The following MIPOL1 variants were observed in gnomAD, a reference collection of about 807,000 sequenced individuals.
The protein encoded by MIPOL1 is mirror-image polydactyly 1.
A neutral mutation model predicts 60.9 loss-of-function variants in MIPOL1; 57 were observed. The ratio of observed to expected loss-of-function variants is 0.94; its 90% CI spans 0.76 to 1.17. The LOEUF is 1.17. MIPOL1 is among the 50% of genes most tolerant of loss of function. The pLI, the probability that MIPOL1 is intolerant of heterozygous loss-of-function variation, is 0.00. For missense variants in MIPOL1, 551 were observed against 511.6 expected, an observed-to-expected ratio of 1.08 and a Z score of -0.74; for synonymous variants, 179 against 168.8, an observed-to-expected ratio of 1.06 and a Z score of -0.47.
At chr14:37,540,641 A>G (rs980656341) in intron 12 of MIPOL1, among the ~76,000 whole-genome samples, 4 of 151,932 alleles carry the variant, frequency 2.6e-5, no homozygotes, top group Non-Finnish European at 5.9e-5. Flanking sequence ...TTGTCCTTAC[A>G]CCTCAGCTCC....
chr14:37,298,111 C>G (rs979658816), intron 7 of MIPOL1, among the ~76,000 whole-genome samples: 1 of 152,104 alleles, frequency 6.6e-6, no homozygotes, highest in Non-Finnish European at 1.5e-5. Context: ...AGATATAGAC[C>G]AATGGAACAA....
intron 9 of MIPOL1, among the ~76,000 whole-genome samples, chr14:37,360,438 C>T (rs544964875): frequency 7.0e-4 from 106 of 152,218 alleles, no homozygotes; most frequent in South Asian, 2.1e-3. Context: ...GGATGTGATC[C>T]ATCTAGTCCT....
chr14:37,250,450 G>A (rs771339662), intron 3 of MIPOL1, among the ~76,000 whole-genome samples: 2 of 152,080 alleles, frequency 1.3e-5, no homozygotes, highest in Admixed American at 6.6e-5. Context: ...GGTAGTCTGA[G>A]GCAGGAGAAT....
At chr14:37,349,527 T>C (rs1762485148) in intron 9 of MIPOL1, among the ~76,000 whole-genome samples, 1 of 152,194 alleles carries the variant, frequency 6.6e-6, no homozygotes, top group Admixed American at 6.5e-5. Flanking sequence ...GCCAAATGTT[T>C]CCACCTTGGG....
At chr14:37,454,321 G>A (rs1486797595) in intron 11 of MIPOL1, among the ~76,000 whole-genome samples, 1 of 152,118 alleles carries the variant, frequency 6.6e-6, no homozygotes, top group Non-Finnish European at 1.5e-5. Context: ...TCTTGATGTG[G>A]ATCTTCTAAC....
At chr14:37,477,807 G>A (rs2094800733) in intron 11 of MIPOL1, among the ~76,000 whole-genome samples, 1 of 152,184 alleles carries the variant, frequency 6.6e-6, no homozygotes, top group Non-Finnish European at 1.5e-5. Flanking sequence ...GTAATAAAGT[G>A]GCATGTGTGC....
intron 11 of MIPOL1, among the ~76,000 whole-genome samples, chr14:37,491,598 T>G (rs780410226): frequency 2.6e-5 from 4 of 152,228 alleles, no homozygotes; most frequent in Non-Finnish European, 5.9e-5. Context: ...TTGTTACATT[T>G]CTAAACATGA....
intron 11 of MIPOL1, among the ~76,000 whole-genome samples, chr14:37,448,719 C>A (rs1461542448): frequency 6.6e-6 from 1 of 152,032 alleles, no homozygotes. Context: ...CAAGAGAGTG[C>A]AAGGGGAAAG....
At chr14:37,415,457 A>G (rs2093749745) in intron 10 of MIPOL1, among the ~76,000 whole-genome samples, 3 of 151,666 alleles carry the variant, frequency 2.0e-5, no homozygotes, top group South Asian at 4.2e-4. Flanking sequence ...CCCTGTCTCT[A>G]CTAAAAAAAA....
chr14:37,330,830 G>A (rs1291643860), intron 9 of MIPOL1, among the ~76,000 whole-genome samples: 1 of 151,960 alleles, frequency 6.6e-6, no homozygotes, highest in Non-Finnish European at 1.5e-5. Flanking sequence ...GCCAGGAGGA[G>A]AGATCAGAGA....
At chr14:37,497,922 C>G (rs997971435) in intron 11 of MIPOL1, among the ~76,000 whole-genome samples, 1 of 152,080 alleles carries the variant, frequency 6.6e-6, no homozygotes, top group Admixed American at 6.6e-5. Context: ...ATAATGCATA[C>G]CCTTTGGAGA....
At chr14:37,417,067 G>A (rs1358094491) in intron 10 of MIPOL1, among the ~76,000 whole-genome samples, 1 of 152,102 alleles carries the variant, frequency 6.6e-6, no homozygotes, top group Non-Finnish European at 1.5e-5. Context: ...AGGAAGTTGA[G>A]GCACATAAAG....
At chr14:37,266,522 A>G (rs1452682589) in intron 3 of MIPOL1, among the ~76,000 whole-genome samples, 1 of 152,248 alleles carries the variant, frequency 6.6e-6, no homozygotes, top group Non-Finnish European at 1.5e-5. Flanking sequence ...ACTCAAATGA[A>G]AAGCAATCAG....
intron 10 of MIPOL1, among the ~76,000 whole-genome samples, chr14:37,409,784 C>G (rs928145206): frequency 1.3e-4 from 20 of 151,722 alleles, no homozygotes; most frequent in Non-Finnish European, 1.0e-4. Flanking sequence ...GACTCTGTCT[C>G]AAAATAATAA....
rs146202878 is a variant in MIPOL1 at position 37,368,671 on chromosome 14, A to G, written c.829-846A>G. The stretch of plus-strand genomic sequence containing the variant: ...GGTGTGTTTAGTACTTTATTTCTTT[A>G]ATCCCCCATGTGTCTTCCTATTGTC... On this transcript the variant is annotated intron_variant, in intron 9 of 12. Coordinates refer to ENST00000684589, the MANE Select transcript of MIPOL1 (RefSeq NM_001388067.1). Among the ~76,000 whole-genome samples the G allele has an allele frequency of 7.8e-3, 1,185 of 152,068 alleles. 10 individuals are homozygous for G. The highest frequency in any genetic ancestry group is 0.027 in the African/African-American group (1,128 of 41,528).
At chr14:37,360,609 G>T (rs1200488176) in intron 9 of MIPOL1, among the ~76,000 whole-genome samples, 2 of 152,108 alleles carry the variant, frequency 1.3e-5, no homozygotes, top group African/African-American at 2.4e-5. Flanking sequence ...TTGCGTAGAG[G>T]TTTTTATAGT....
chr14:37,546,923 T>C lies in MIPOL1; in HGVS notation c.1281T>C (p.Asp427=). Reference sequence around the variant, plus strand: ...AACTTAGGTTGGAAAGGCTGGTGGATGTACTGAGGAAGAAGGTTGGAACCG... The same window carrying C: ...AACTTAGGTTGGAAAGGCTGGTGGACGTACTGAGGAAGAAGGTTGGAACCG... ...EKVQKLERLV[D]VLRKKVGTGT... is the part of the protein sequence containing the mutation. The change falls in exon 13 of 13, where the codon GAT becomes GAC. Residue 427 remains aspartate, a synonymous_variant. Coordinates refer to ENST00000684589, the MANE Select transcript of MIPOL1 (RefSeq NM_001388067.1). The C allele has an allele frequency of 6.2e-7, 1 of 1,613,542 alleles. No homozygotes were observed. The highest frequency in any genetic ancestry group is 8.5e-7 in the Non-Finnish European group (1 of 1,179,794).
chr14:37,390,002 A>T (rs1048829220), intron 10 of MIPOL1, among the ~76,000 whole-genome samples: 1 of 151,990 alleles, frequency 6.6e-6, no homozygotes, highest in Non-Finnish European at 1.5e-5. Context: ...GGAGTTCGAG[A>T]CCAGCTGCTC....
At chr14:37,407,839 C>CT (rs2093614739) in intron 10 of MIPOL1, among the ~76,000 whole-genome samples, 6 of 59,770 alleles carry the variant, frequency 1.0e-4, no homozygotes, top group African/African-American at 5.2e-4. Context: ...CTTTCTTCTT[C>CT]TTCTTCTTTT....
Sources: gnomAD v4.1 joint callset for allele counts (sites outside exome capture counted in the v4.1 genomes callset) on GRCh38, gnomAD v4.1.1 for gene constraint, MANE v1.5 for transcripts, NCBI Gene and HGNC (gene_info 2026-07-23, HGNC 2026-07-21) for gene names.